The following KDELR3 variants were observed in gnomAD, a reference collection of about 807,000 sequenced individuals.
KDELR3 encodes the protein ER lumen protein-retaining receptor 3.
A neutral mutation model predicts 22.7 loss-of-function variants in KDELR3; 26 were observed. The observed-to-expected ratio is 1.15, with a 90% CI of 0.84 to 1.59. The LOEUF is 1.59. Ranked by LOEUF, KDELR3 falls within the 40% of genes most tolerant of loss-of-function variation. The pLI is 0.00. For missense variants in KDELR3, 289 were observed against 251.1 expected (o/e 1.15, Z -1.02); for synonymous variants, 120 against 98.2 (o/e 1.22, Z -1.31).
In KDELR3 at chr22:38,483,005, T is replaced by A. The variant is rs2071887; in HGVS notation, c.*469T>A. The A allele has an allele frequency of 0.36, 56,346 of 154,386 alleles. 10,353 individuals carry two copies. The highest frequency in any genetic ancestry group is 0.42 in the Middle Eastern group (127 of 302). 9.6% of individuals were successfully genotyped at this position (154,386 alleles called of 1,614,324 possible). On this transcript the variant is annotated 3_prime_UTR_variant, in exon 5 of 5. Transcript: ENST00000216014. The stretch of plus-strand genomic sequence containing the variant: ...TTTAGGTGGTCAAGATATAAAGGTG[T>A]CAGCTAGTTTTAAGTGTGAAACTTA...
At chr22:38,476,673 C>T (rs1323405667) in intron 2 of KDELR3, among the ~76,000 whole-genome samples, 1 of 151,238 alleles carries the variant, frequency 6.6e-6, no homozygotes, top group Non-Finnish European at 1.5e-5. Flanking sequence ...TACAGGCACC[C>T]ACCACCACGC....
In KDELR3 at chr22:38,469,025, T is replaced by C. The variant is rs144465711; in HGVS notation, c.91+701T>C. The stretch of plus-strand genomic sequence containing the variant: ...GTCCACCGGCATCCTCGTGGTGCCC[T>C]CCCTGTGCCTGGCACTGGGTGTGCA... On this transcript the variant is annotated intron_variant, in intron 1 of 4. Coordinates refer to ENST00000216014, the MANE Select transcript of KDELR3 (RefSeq NM_006855.4). Among the ~76,000 whole-genome samples, 1,000 of 152,320 alleles carry C rather than the reference T, an allele frequency of 6.6e-3. 32 individuals are homozygous for C. Among genetic ancestry groups the C allele is most frequent in the Admixed American group, 0.058 (886 of 15,300 alleles).
At chr22:38,469,088 G>GAGGCTGAGA (rs1296127318) in intron 1 of KDELR3, among the ~76,000 whole-genome samples, 14 of 152,244 alleles carry the variant, frequency 9.2e-5, no homozygotes, top group African/African-American at 3.1e-4. Context: ...TGGGGCTGAG[G>GAGGCTGAGA]AGGCTGAGAA....
intron 1 of KDELR3, among the ~76,000 whole-genome samples, chr22:38,469,291 G>A (rs2089508946): frequency 6.6e-6 from 1 of 152,214 alleles, no homozygotes; most frequent in Admixed American, 6.5e-5. Flanking sequence ...AGGGAGATGA[G>A]TCCAGGAGGG....
Position 38,483,355 on chromosome 22 carries a change from C to T in KDELR3, c.*819C>T, listed in dbSNP as rs2089620096. ...GAAAGTAATCAGTCAATCCAATATC[C>T]CCCATCTTTGTCTTGAAACAAAAAC... is the stretch of plus-strand genomic sequence containing the variant. On this transcript the variant is annotated 3_prime_UTR_variant, in exon 5 of 5. Transcript: ENST00000216014. The T allele has an allele frequency of 6.6e-6, 1 of 152,136 alleles. No homozygotes were observed. The highest frequency in any genetic ancestry group is 1.5e-5 in the Non-Finnish European group (1 of 68,032). The allele number at this position is 152,136 out of a possible 1,614,324, so 9.4% of individuals were successfully genotyped here.
chr22:38,482,402 G>A, intron 4 of KDELR3, 94 bp from the exon 5 acceptor site: 3 of 1,015,264 alleles, frequency 3.0e-6, no homozygotes, highest in East Asian at 2.4e-5. Flanking sequence ...CTGTGAGCCG[G>A]CCATTAAGAG....
chr22:38,479,820 T>TG, intron 3 of KDELR3, 69 bp downstream of exon 3: 2 of 1,466,426 alleles, frequency 1.4e-6, no homozygotes, highest in Non-Finnish European at 1.9e-6. Context: ...CTCCAGACCC[T>TG]GGGCTTGCCT....
chr22:38,468,398 C>T (rs1241139566), intron 1 of KDELR3, 74 bp downstream of exon 1: 9 of 1,364,374 alleles, frequency 6.6e-6, no homozygotes, highest in Middle Eastern at 1.8e-4. Context: ...CAGGGCAGGG[C>T]GCTCCAGGTG....
chr22:38,480,225 C>T (rs919324204), intron 3 of KDELR3, among the ~76,000 whole-genome samples: 1 of 152,068 alleles, frequency 6.6e-6, no homozygotes, highest in African/African-American at 2.4e-5. Flanking sequence ...CTCACTGCAA[C>T]CTCTGCCTCC....
Position 38,481,228 on chromosome 22 carries a change from C to T in KDELR3, c.368C>T (p.Ser123Phe). The T allele has an allele frequency of 1.2e-6, 2 of 1,613,184 alleles. No individual in the cohort carries two copies. The highest frequency in any genetic ancestry group is 1.7e-5 in the Admixed American group (1 of 59,808). Reference sequence around the variant, plus strand: ...TTGGCTCAGATCCTCTGGACTTTCTCTATCTATCTGGAATCAGTGGCTATC... The same window carrying T: ...TTGGCTCAGATCCTCTGGACTTTCTTTATCTATCTGGAATCAGTGGCTATC... The part of the protein sequence containing the change: ...FTLLEILWTF[S>F]IYLESVAILP... The change falls in exon 4 of 5, where the codon TCT (serine) becomes TTT (phenylalanine). Residue 123 changes from serine (S) to phenylalanine (F), a missense_variant. By Grantham distance (155) the Ser-to-Phe change is radical. Coordinates refer to ENST00000216014, the MANE Select transcript of KDELR3 (RefSeq NM_006855.4).
At chr22:38,475,887 A>G (rs1012602910) in intron 2 of KDELR3, among the ~76,000 whole-genome samples, 1 of 151,462 alleles carries the variant, frequency 6.6e-6, no homozygotes, top group Non-Finnish European at 1.5e-5. Context: ...ACCCACCTCG[A>G]CCTCCCAAAG....
At chr22:38,481,604 T>C in intron 4 of KDELR3, 140 bp downstream of exon 4, 1 of 1,508,046 alleles carries the variant, frequency 6.6e-7, no homozygotes, top group Non-Finnish European at 8.8e-7. Flanking sequence ...AGAAGACAAA[T>C]ATTTTCAATA....
At chr22:38,469,283 G>A (rs1272895463) in intron 1 of KDELR3, among the ~76,000 whole-genome samples, 2 of 152,218 alleles carry the variant, frequency 1.3e-5, no homozygotes, top group African/African-American at 2.4e-5. Flanking sequence ...TGGTCTGGAG[G>A]GAGATGAGTC....
intron 2 of KDELR3, among the ~76,000 whole-genome samples, chr22:38,476,470 G>A (rs896927028): frequency 7.2e-5 from 11 of 151,914 alleles, no homozygotes; most frequent in Admixed American, 2.6e-4. Flanking sequence ...TGCCCGCCTC[G>A]GCCTCCCGAA....
intron 1 of KDELR3, among the ~76,000 whole-genome samples, chr22:38,473,462 G>T (rs201569739): frequency 4.8e-5 from 2 of 41,742 alleles, no homozygotes; most frequent in South Asian, 1.2e-3. Context: ...AAATAAAAAA[G>T]AAAGAAACAT....
chr22:38,481,622 A>C, intron 4 of KDELR3, 158 bp downstream of exon 4: 1 of 1,477,784 alleles, frequency 6.8e-7, no homozygotes, highest in Non-Finnish European at 8.9e-7. Context: ...ATAAAGAAAC[A>C]AATGCCATAA....
Position 38,479,622 on chromosome 22 carries a change from A to G in KDELR3, c.222A>G (p.Thr74=), listed in dbSNP as rs1307283065. ...KVVFLLCAYV[T]VYMIYGKFRK... The stretch of plus-strand genomic sequence containing the variant: ...TTTTTCTCCTCTGTGCCTATGTTAC[A>G]GTGTACATGATATATGGGAAATTCC... Residue 74 remains threonine (T), a synonymous_variant, in exon 3 of 5, where the codon ACA becomes ACG. Coordinates refer to ENST00000216014, the MANE Select transcript of KDELR3 (RefSeq NM_006855.4). 3.7e-6 allele frequency: 6 copies of G among 1,613,792 alleles called. No homozygotes were observed. The highest frequency in any genetic ancestry group is 5.1e-6 in the Non-Finnish European group (6 of 1,179,810).
intron 2 of KDELR3, among the ~76,000 whole-genome samples, chr22:38,476,320 C>T (rs1015826463): frequency 1.2e-4 from 18 of 146,042 alleles, no homozygotes; most frequent in African/African-American, 3.8e-4. Context: ...CCCGGGTTCA[C>T]GCCATTCTCC....
chr22:38,471,479 G>A (rs56275828), intron 1 of KDELR3, among the ~76,000 whole-genome samples: 2,927 of 152,272 alleles, frequency 0.019, 43 homozygotes, highest in Non-Finnish European at 0.028. Flanking sequence ...GCTAGTGCAC[G>A]TGCGCGCGTG....
Sources: gnomAD v4.1 joint callset for allele counts (sites outside exome capture counted in the v4.1 genomes callset) on GRCh38, gnomAD v4.1.1 for gene constraint, MANE v1.5 for transcripts, NCBI Gene and HGNC (gene_info 2026-07-23, HGNC 2026-07-21) for gene names.